MAPK4: variants seen among roughly 807,000 people sequenced by gnomAD.
The protein encoded by MAPK4 is Erk3-related.
In MAPK4, 22 loss-of-function variants were observed where a neutral mutation model predicts 47.7. The observed-to-expected ratio is 0.46, with a 90% CI of 0.33 to 0.66. The LOEUF is 0.66. MAPK4 is among the 30% of genes least tolerant of loss of function. The probability of loss-of-function intolerance (pLI) is 0.02; values close to 1 mark genes in which losing one functional copy is unlikely to be tolerated. For synonymous variants in MAPK4, 390 were observed against 365.7 expected (o/e 1.07, Z -0.76); for missense variants, 736 against 831.7 (o/e 0.88, Z 1.42).
At chr18:50,714,135 C>G (rs1175196009) in intron 2 of MAPK4, among the ~76,000 whole-genome samples, 1 of 152,194 alleles carries the variant, frequency 6.6e-6, no homozygotes. Flanking sequence ...AAGTAAAAGA[C>G]CATCCCTGGA....
At chr18:50,607,233 C>A (rs1464557557) in intron 1 of MAPK4, among the ~76,000 whole-genome samples, 1 of 152,136 alleles carries the variant, frequency 6.6e-6, no homozygotes, top group African/African-American at 2.4e-5. Context: ...TTCCTTCTCA[C>A]AACCACACGA....
intron 3 of MAPK4, among the ~76,000 whole-genome samples, chr18:50,718,903 G>A (rs1246585329): frequency 6.6e-6 from 1 of 151,810 alleles, no homozygotes; most frequent in Non-Finnish European, 1.5e-5. Flanking sequence ...CCAACATGGT[G>A]GAACCCCGTC....
intron 1 of MAPK4, among the ~76,000 whole-genome samples, chr18:50,655,014 C>G (rs1327029937): frequency 6.6e-6 from 1 of 152,212 alleles, no homozygotes; most frequent in African/African-American, 2.4e-5. Flanking sequence ...GCAAACTTCT[C>G]TTCCCTCCCT....
chr18:50,585,982 G>A (rs146417785), intron 1 of MAPK4, among the ~76,000 whole-genome samples: 4,063 of 152,228 alleles, frequency 0.027, 172 homozygotes, highest in African/African-American at 0.092. Context: ...GGGATTATGG[G>A]AGCTACAATT....
chr18:50,638,846 A>T (rs2042912822), intron 1 of MAPK4, among the ~76,000 whole-genome samples: 1 of 152,136 alleles, frequency 6.6e-6, no homozygotes, highest in Non-Finnish European at 1.5e-5. Context: ...CAGCCTCTAT[A>T]TTGCCCTGAG....
chr18:50,642,517 C>T (rs2042949745), intron 1 of MAPK4, among the ~76,000 whole-genome samples: 1 of 152,108 alleles, frequency 6.6e-6, no homozygotes, highest in Admixed American at 6.5e-5. Context: ...TGAGAAATTG[C>T]CTAAACTCAA....
At chr18:50,723,878 A>AG (rs1159440843) in intron 4 of MAPK4, among the ~76,000 whole-genome samples, 1 of 151,804 alleles carries the variant, frequency 6.6e-6, no homozygotes, top group East Asian at 1.9e-4. Context: ...AAAAAAAAAA[A>AG]AAGAAATGAA....
At chr18:50,708,087 C>T (rs541260432) in intron 2 of MAPK4, among the ~76,000 whole-genome samples, 30 of 152,290 alleles carry the variant, frequency 2.0e-4, no homozygotes, top group Middle Eastern at 3.4e-3. Flanking sequence ...TGATGTGTTC[C>T]CTCCCTCAAT....
intron 2 of MAPK4, among the ~76,000 whole-genome samples, chr18:50,708,133 A>G (rs4940004): frequency 0.98 from 149,310 of 152,328 alleles, 73,244 homozygotes; most frequent in Middle Eastern, 1. Flanking sequence ...TCCTGCAAAT[A>G]AGTTTAATGG....
chr18:50,714,573 C>T (rs1386781179), intron 2 of MAPK4, among the ~76,000 whole-genome samples: 1 of 152,184 alleles, frequency 6.6e-6, no homozygotes, highest in African/African-American at 2.4e-5. Context: ...TCAGCAAGAG[C>T]CTGGTGCCTG....
intron 1 of MAPK4, among the ~76,000 whole-genome samples, chr18:50,637,474 C>T (rs2042897948): frequency 6.6e-6 from 1 of 152,192 alleles, no homozygotes; most frequent in African/African-American, 2.4e-5. Context: ...CACTCTTAAC[C>T]AGCTAAAGTA....
chr18:50,713,397 C>T (rs968893392), intron 2 of MAPK4, among the ~76,000 whole-genome samples: 1 of 152,216 alleles, frequency 6.6e-6, no homozygotes, highest in Non-Finnish European at 1.5e-5. Flanking sequence ...ACCTGGACCA[C>T]CTTGTAGTCA....
At chr18:50,590,042 G>A (rs1181555621) in intron 1 of MAPK4, among the ~76,000 whole-genome samples, 2 of 152,208 alleles carry the variant, frequency 1.3e-5, no homozygotes, top group African/African-American at 2.4e-5. Context: ...GGAAACTGAA[G>A]TCCAGGATGT....
At chr18:50,627,661 C>G (rs1161563465) in intron 1 of MAPK4, among the ~76,000 whole-genome samples, 1 of 152,222 alleles carries the variant, frequency 6.6e-6, no homozygotes, top group Non-Finnish European at 1.5e-5. Context: ...AGGGCAGAGC[C>G]TATGTTACGA....
At chr18:50,709,353 T>C (rs1228528933) in intron 2 of MAPK4, among the ~76,000 whole-genome samples, 2 of 152,116 alleles carry the variant, frequency 1.3e-5, no homozygotes, top group South Asian at 2.1e-4. Context: ...GCCCGGGGAA[T>C]TGGGGGAAGC....
intron 1 of MAPK4, among the ~76,000 whole-genome samples, chr18:50,660,775 G>T (rs2043162395): frequency 6.6e-6 from 1 of 152,124 alleles, no homozygotes. Context: ...CAGGAACTGG[G>T]AAGATACAAG....
At chr18:50,587,005 TAAA>T (rs202012369) in intron 1 of MAPK4, among the ~76,000 whole-genome samples, 2 of 152,216 alleles carry the variant, frequency 1.3e-5, no homozygotes, top group Admixed American at 6.5e-5. Context: ...TGACAGCTGG[TAAA>T]AAACAATTTC....
At chr18:50,562,609 G>A (rs1017996112) in intron 1 of MAPK4, among the ~76,000 whole-genome samples, 3 of 152,096 alleles carry the variant, frequency 2.0e-5, no homozygotes, top group Admixed American at 6.5e-5. Flanking sequence ...GAATTAAATA[G>A]TTTTCCTGCT....
intron 2 of MAPK4, among the ~76,000 whole-genome samples, chr18:50,701,782 T>G (rs551747619): frequency 6.6e-6 from 1 of 152,176 alleles, no homozygotes; most frequent in Admixed American, 6.5e-5. Context: ...TTATAGGTCA[T>G]GTACAAAAGA....
Sources: gnomAD v4.1 joint callset for allele counts (sites outside exome capture counted in the v4.1 genomes callset) on GRCh38, gnomAD v4.1.1 for gene constraint, MANE v1.5 for transcripts, NCBI Gene and HGNC (gene_info 2026-07-23, HGNC 2026-07-21) for gene names.